Variants in ESRRG observed in about 807,000 individuals in gnomAD.
The protein encoded by ESRRG is estrogen-related receptor gamma.
Under a neutral mutation model 44.0 loss-of-function variants are expected in ESRRG, and 13 were observed. That is an observed-to-expected ratio of 0.30 (90% CI 0.19 to 0.47). The LOEUF (loss-of-function observed/expected upper bound fraction) is 0.47, where lower values mean the gene tolerates loss of function less well. ESRRG is among the 20% of genes least tolerant of loss of function. The pLI is 1.00. For missense variants in ESRRG, 395 were observed against 580.6 expected, an observed-to-expected ratio of 0.68 and a Z score of 3.29; for synonymous variants, 215 against 214.6, an observed-to-expected ratio of 1.00 and a Z score of -0.02.
chr1:216,790,337 A>T (rs2094278413), intron 2 of ESRRG, among the ~76,000 whole-genome samples: 1 of 152,152 alleles, frequency 6.6e-6, no homozygotes, highest in Non-Finnish European at 1.5e-5. Flanking sequence ...ACTTCTTTTG[A>T]GCCCATTCCC....
At chr1:216,867,061 C>G (rs368321594) in intron 2 of ESRRG, among the ~76,000 whole-genome samples, 3 of 152,158 alleles carry the variant, frequency 2.0e-5, no homozygotes, top group African/African-American at 7.2e-5. Flanking sequence ...TGGTGCTCTT[C>G]TTCAAAGGCC....
chr1:216,948,681 A>C (rs913016051), intron 1 of ESRRG, among the ~76,000 whole-genome samples: 10 of 152,072 alleles, frequency 6.6e-5, no homozygotes, highest in Non-Finnish European at 4.4e-5. Flanking sequence ...AAAATTTAAC[A>C]ATCATAGCTC....
chr1:216,697,654 A>G (rs2080448884), intron 1 of ESRRG, among the ~76,000 whole-genome samples: 1 of 152,222 alleles, frequency 6.6e-6, no homozygotes, highest in African/African-American at 2.4e-5. Flanking sequence ...CAAAATAGCC[A>G]TGCTAAGAAT....
chr1:217,018,354 C>T (rs1323471659), intron 1 of ESRRG, among the ~76,000 whole-genome samples: 1 of 152,170 alleles, frequency 6.6e-6, no homozygotes, highest in South Asian at 2.1e-4. Context: ...CCGTTTCCCT[C>T]CAACCCATCC....
intron 1 of ESRRG, among the ~76,000 whole-genome samples, chr1:217,053,630 A>T (rs2086548311): frequency 6.6e-6 from 1 of 152,220 alleles, no homozygotes; most frequent in African/African-American, 2.4e-5. Flanking sequence ...ATTGCATGTT[A>T]CCAAAATGAG....
rs141017039 is a variant in ESRRG, at chr1:217,001,149, T to C, written c.-105-61476A>G. On this transcript the variant is annotated intron_variant, in intron 1 of 7. Coordinates refer to the ESRRG transcript ENST00000359162. ...AAATGGTTCAACTAATTTCTTCCTT[T>C]AAGTAATATCAACCTGTCTACTATA... Among the ~76,000 whole-genome samples the C allele has an allele frequency of 2.4e-3, 364 of 152,342 alleles. 2 individuals carry two copies. Among genetic ancestry groups the C allele is most frequent in the Non-Finnish European group, 3.5e-3 (235 of 68,034 alleles).
intron 2 of ESRRG, among the ~76,000 whole-genome samples, chr1:216,665,225 CT>C (rs1434769398): frequency 6.6e-6 from 1 of 151,934 alleles, no homozygotes. Flanking sequence ...ATAAATTAAA[CT>C]TTATCAAGAT....
intron 3 of ESRRG, among the ~76,000 whole-genome samples, chr1:216,569,469 G>T (rs1369963116): frequency 2.6e-5 from 4 of 152,106 alleles, no homozygotes; most frequent in African/African-American, 9.7e-5. Flanking sequence ...TCTGGCAGCG[G>T]ATTTAAAAGA....
intron 3 of ESRRG, among the ~76,000 whole-genome samples, chr1:216,627,818 ATT>A (rs34725285): frequency 2.6e-5 from 4 of 151,432 alleles, no homozygotes; most frequent in East Asian, 1.9e-4. Context: ...TAAGAAGTTT[ATT>A]TTTTTTTTCT....
chr1:217,069,713 G>T (rs578102283), intron 1 of ESRRG, among the ~76,000 whole-genome samples: 2 of 152,100 alleles, frequency 1.3e-5, no homozygotes, highest in African/African-American at 4.8e-5. Context: ...AGGGAATTCC[G>T]TCTGCTCTAC....
intron 1 of ESRRG, among the ~76,000 whole-genome samples, chr1:216,700,177 G>A (rs891267362): frequency 4.6e-5 from 7 of 151,756 alleles, no homozygotes; most frequent in Non-Finnish European, 1.0e-4. Flanking sequence ...ATTAAGCGGG[G>A]AGTCTTGCAA....
intron 1 of ESRRG, among the ~76,000 whole-genome samples, chr1:216,958,797 T>C (rs1053189029): frequency 1.3e-5 from 2 of 152,134 alleles, no homozygotes; most frequent in African/African-American, 4.8e-5. Flanking sequence ...CTCTTCATTA[T>C]CCTGGTGTCC....
At chr1:216,970,844 C>T (rs1383132154) in intron 1 of ESRRG, among the ~76,000 whole-genome samples, 1 of 152,174 alleles carries the variant, frequency 6.6e-6, no homozygotes, top group African/African-American at 2.4e-5. Flanking sequence ...GGATTCCAAA[C>T]CTACAGGGAA....
At chr1:216,813,591 C>T (rs2813675) in intron 2 of ESRRG, among the ~76,000 whole-genome samples, 135,538 of 152,190 alleles carry the variant, frequency 0.89, 60,464 homozygotes, top group Non-Finnish European at 0.91. Context: ...TTCAATTCTT[C>T]GCTTGACCAA....
intron 1 of ESRRG, among the ~76,000 whole-genome samples, chr1:216,997,557 G>C (rs1228492092): frequency 6.6e-6 from 1 of 152,182 alleles, no homozygotes; most frequent in Non-Finnish European, 1.5e-5. Flanking sequence ...CTTAGACTTT[G>C]AGTTGTTACA....
chr1:216,521,141 T>C (rs899918786), intron 5 of ESRRG, among the ~76,000 whole-genome samples: 1 of 152,190 alleles, frequency 6.6e-6, no homozygotes, highest in Non-Finnish European at 1.5e-5. Flanking sequence ...TTGGACTGGC[T>C]GTGTAAGTCT....
chr1:216,622,964 A>G (rs1249277168), intron 3 of ESRRG, among the ~76,000 whole-genome samples: 1 of 152,054 alleles, frequency 6.6e-6, no homozygotes. Context: ...AGAAGATATC[A>G]TCATGTTTAA....
intron 2 of ESRRG, among the ~76,000 whole-genome samples, chr1:216,898,393 G>A (rs1294273093): frequency 6.6e-6 from 1 of 152,098 alleles, no homozygotes; most frequent in Non-Finnish European, 1.5e-5. Context: ...CAAGGTGGGT[G>A]GATCACTTGA....
chr1:216,572,970 G>C (rs2061076068), intron 3 of ESRRG, among the ~76,000 whole-genome samples: 1 of 151,888 alleles, frequency 6.6e-6, no homozygotes, highest in South Asian at 2.1e-4. Context: ...AAAATGAAGA[G>C]AGGTCAGATA....
Sources: gnomAD v4.1 joint callset for allele counts (sites outside exome capture counted in the v4.1 genomes callset) on GRCh38, gnomAD v4.1.1 for gene constraint, MANE v1.5 for transcripts, NCBI Gene and HGNC (gene_info 2026-07-23, HGNC 2026-07-21) for gene names.